Variants in CYP24A1 observed in about 807,000 individuals in gnomAD.
CYP24A1 encodes 1,25-dihydroxyvitamin D(3) 24-hydroxylase, mitochondrial.
In CYP24A1, 68 loss-of-function variants were observed where a neutral mutation model predicts 62.4. The observed-to-expected ratio is 1.09, with a 90% CI of 0.90 to 1.33. CYP24A1 has a LOEUF of 1.33. Among genes scored for constraint, CYP24A1 ranks in the 40% most tolerant of loss-of-function variants. The probability of loss-of-function intolerance (pLI) is 0.00; values close to 1 mark genes in which losing one functional copy is unlikely to be tolerated. For synonymous variants in CYP24A1, 267 were observed against 253.0 expected, an observed-to-expected ratio of 1.06 and a Z score of -0.52; for missense variants, 787 against 653.0, an observed-to-expected ratio of 1.21 and a Z score of -2.24.
chr20:54,165,409 C>T (rs1409221927), intron 5 of CYP24A1, among the ~76,000 whole-genome samples: 1 of 152,218 alleles, frequency 6.6e-6, no homozygotes, highest in African/African-American at 2.4e-5. Context: ...CCCACTGATT[C>T]TACATTATGG....
chr20:54,154,953 A>T (rs1298208448), intron 11 of CYP24A1, 192 bp from the exon 12 acceptor site: 2 of 30,440 alleles, frequency 6.6e-5, no homozygotes, highest in African/African-American at 5.7e-4. Flanking sequence ...AAAAAAAAAA[A>T]AAAAAAAAAA....
chr20:54,162,557 G>C, intron 7 of CYP24A1, 160 bp downstream of exon 7: 4 of 496,938 alleles, frequency 8.0e-6, no homozygotes, highest in Middle Eastern at 3.9e-4. Flanking sequence ...GATGCTGTGC[G>C]CGGAGGCACC....
intron 2 of CYP24A1, chr20:54,171,937 G>T: frequency 2.8e-6 from 2 of 705,884 alleles, no homozygotes. Flanking sequence ...TTTGGGTTCA[G>T]GGATTTTGAG....
chr20:54,169,705 C>T lies in CYP24A1; in HGVS notation c.544-17G>A, dbSNP rs373305362. Reference sequence around the variant, plus strand: ...GGCCAAGACCTTCAAAGAAAACAACCGCAAAAGACACATTTTAAAGCCGTT... The same window carrying T: ...GGCCAAGACCTTCAAAGAAAACAACTGCAAAAGACACATTTTAAAGCCGTT... On this transcript the variant is annotated splice_polypyrimidine_tract_variant and intron_variant, in intron 3 of 11. Transcript: ENST00000216862. 7.6e-5 allele frequency: 123 copies of T among 1,613,684 alleles called. No homozygotes were observed. Among genetic ancestry groups the T allele is most frequent in the Middle Eastern group, 3.3e-4 (2 of 6,082 alleles).
the CYP24A1 span, among the ~76,000 whole-genome samples, chr20:54,143,721 A>T: frequency 1.3e-5 from 2 of 149,376 alleles, no homozygotes; most frequent in African/African-American, 2.4e-5. Context: ...AAGAAAATAG[A>T]AGTAAAAAAA....
At chr20:54,143,545 T>C in the CYP24A1 span, among the ~76,000 whole-genome samples, 1 of 152,162 alleles carries the variant, frequency 6.6e-6, no homozygotes, top group East Asian at 1.9e-4. Context: ...AAATCCTATT[T>C]ATATTTTAAT....
downstream of CYP24A1, among the ~76,000 whole-genome samples, chr20:54,151,569 ACAGAGTCCTG>A (rs2092612446): frequency 6.6e-6 from 1 of 151,748 alleles, no homozygotes; most frequent in African/African-American, 2.4e-5. Context: ...ATTTTTTGAG[ACAGAGTCCTG>A]CTCTGTCGCC....
rs1601136356 is a variant in CYP24A1, at chr20:54,164,574, T to C, written c.733-11A>G. The C allele has an allele frequency of 1.2e-6, 2 of 1,614,146 alleles. No homozygotes were observed. Among genetic ancestry groups the C allele is most frequent in the East Asian group, 2.2e-5 (1 of 44,884 alleles). On this transcript the variant is annotated splice_polypyrimidine_tract_variant and intron_variant, in intron 5 of 11. Transcript: ENST00000216862. ...AAACGTGCTCATCATCTGAGAGAAA[T>C]GCAAATGCCTTTTTATTCTGAATTC...
At chr20:54,150,533 C>A (rs1568961545), downstream of CYP24A1, among the ~76,000 whole-genome samples, 1 of 152,244 alleles carries the variant, frequency 6.6e-6, no homozygotes, top group East Asian at 1.9e-4. Context: ...GCCATGTTGG[C>A]CAGGCTGGTC....
chr20:54,144,945 C>A, the CYP24A1 span, among the ~76,000 whole-genome samples: 1 of 152,074 alleles, frequency 6.6e-6, no homozygotes. Context: ...TTTCATTGGA[C>A]CTGCCAAAAT....
At chr20:54,157,105 G>T in intron 11 of CYP24A1, 64 bp downstream of exon 11, 1 of 837,104 alleles carries the variant, frequency 1.2e-6, no homozygotes, top group Non-Finnish European at 2.0e-6. Flanking sequence ...TGACTTCCCA[G>T]CATAGCTCAT....
At chr20:54,166,956 T>C (rs1215725847) in intron 4 of CYP24A1, among the ~76,000 whole-genome samples, 3 of 152,048 alleles carry the variant, frequency 2.0e-5, no homozygotes, top group African/African-American at 7.2e-5. Context: ...GGAAGATCTC[T>C]TGGGCCCAGG....
In CYP24A1 at chr20:54,171,575, A is replaced by T. The variant is rs776688871; in HGVS notation, c.543+2T>A. Reference sequence around the variant, plus strand: ...CAGGAAAGCTGGCCCCAGCCTGCAGACCTCATTGATTTTGTTGTCCAGCTT... The same window carrying T: ...CAGGAAAGCTGGCCCCAGCCTGCAGTCCTCATTGATTTTGTTGTCCAGCTT... On this transcript the variant is annotated splice_donor_variant, in intron 3 of 11. Coordinates refer to ENST00000216862, the MANE Select transcript of CYP24A1 (RefSeq NM_000782.5). LOFTEE classifies it high-confidence loss of function. 2 of 1,613,710 alleles carry T rather than the reference A, an allele frequency of 1.2e-6. No homozygotes were observed. Among genetic ancestry groups the T allele is most frequent in the African/African-American group, 2.7e-5 (2 of 74,844 alleles).
chr20:54,169,640 CT>C lies in CYP24A1; in HGVS notation c.591del (p.Gly198AlafsTer10), dbSNP rs750060081. ...TCGCTGTACAAGTCTTCAACGTGGC[CT>C]CTTTCATCACAGAGCTCATCTATTC... ...MGRIDELCDE[R>X]GHVEDLYSEL... On this transcript the variant is annotated frameshift_variant, in exon 4 of 12. Coordinates refer to ENST00000216862, the MANE Select transcript of CYP24A1 (RefSeq NM_000782.5). LOFTEE classifies it high-confidence loss of function. 6.2e-7 allele frequency: 1 copy of C among 1,614,168 alleles called. No individual in the cohort carries two copies. The highest frequency in any genetic ancestry group is 8.5e-7 in the Non-Finnish European group (1 of 1,180,030).
chr20:54,173,708 T>C lies in CYP24A1; in HGVS notation c.-129A>G. ...AAGCAAAGAGGGCCAGCTGGTGTGA[T>C]GGAGCGGGGTGAGGCGGGACAGGCA... On this transcript the variant is annotated 5_prime_UTR_variant, in exon 1 of 12. Coordinates refer to ENST00000216862, the MANE Select transcript of CYP24A1 (RefSeq NM_000782.5). This position sits in a 1 kb window ranked among gnomAD's most constrained non-coding sequence, Gnocchi z 7.2. 1.5e-6 allele frequency: 1 copy of C among 657,034 alleles called. No homozygotes were observed. Among genetic ancestry groups the C allele is most frequent in the Non-Finnish European group, 2.6e-6 (1 of 378,636 alleles). The allele number at this position is 657,034 out of a possible 1,614,324, so 40.7% of individuals were successfully genotyped here.
At position 54,157,534 on chromosome 20, in the gene CYP24A1, C is replaced by T. The variant is rs747021572; in HGVS notation, c.1288G>A (p.Glu430Lys). ...QVLGSSEDNF[E>K]DSSQFRPERW... ...TCAGGTCTAAACTGACTTGAATCTT[C>T]AAAATTGTCTTCACTGGATCCCAAC... The change falls in exon 10 of 12, where the codon GAA (glutamate) becomes AAA (lysine). Residue 430 changes from glutamate (E) to lysine (K), a missense_variant. Coordinates refer to ENST00000216862, the MANE Select transcript of CYP24A1 (RefSeq NM_000782.5). 2.3e-5 allele frequency: 37 copies of T among 1,605,744 alleles called. No homozygotes were observed. The South Asian group carries it at 3.7e-4, about 16-fold the overall frequency.
chr20:54,162,739 A>C lies in CYP24A1; in HGVS notation c.968T>G (p.Leu323Arg). The C allele has an allele frequency of 6.2e-7, 1 of 1,603,388 alleles. No individual in the cohort carries two copies. Among genetic ancestry groups the C allele is most frequent in the Non-Finnish European group, 8.5e-7 (1 of 1,170,550 alleles). The change falls in exon 7 of 12, where the codon CTC becomes CGC. Residue 323 changes from leucine (L) to arginine (R), a missense_variant. Coordinates refer to ENST00000216862, the MANE Select transcript of CYP24A1 (RefSeq NM_000782.5). ...TACCGTTTCCACCGCAGCCAGCTGG[A>C]GCTCTGTGACAGCAGCATACAATTC... Reference protein sequence around the residue: ...KKELYAAVTELQLAAVETTAN... With the variant: ...KKELYAAVTERQLAAVETTAN...
At chr20:54,146,400 A>T in the CYP24A1 span, among the ~76,000 whole-genome samples, 1 of 152,164 alleles carries the variant, frequency 6.6e-6, no homozygotes, top group African/African-American at 2.4e-5. Context: ...GCCACCAATC[A>T]ATTGGTGTTG....
downstream of CYP24A1, among the ~76,000 whole-genome samples, chr20:54,152,687 G>C (rs904322214): frequency 6.6e-6 from 1 of 152,216 alleles, no homozygotes; most frequent in South Asian, 2.1e-4. Context: ...GAGGCCTCTG[G>C]GGGTGGATGA....
Sources: gnomAD v4.1 joint callset for allele counts (sites outside exome capture counted in the v4.1 genomes callset) on GRCh38, gnomAD v4.1.1 for gene constraint, Gnocchi (gnomAD v3.1) non-coding constraint, MANE v1.5 for transcripts, NCBI Gene and HGNC (gene_info 2026-07-23, HGNC 2026-07-21) for gene names.